DPP6: variants seen among roughly 807,000 people sequenced by gnomAD.
DPP6 encodes dipeptidyl peptidase like 6.
A neutral mutation model predicts 122.6 loss-of-function variants in DPP6; 69 were observed. The observed-to-expected ratio is 0.56, with a 90% CI of 0.46 to 0.69. The LOEUF is 0.69. Among genes scored for constraint, DPP6 ranks in the 30% least tolerant of loss-of-function variants. The probability of loss-of-function intolerance (pLI) is 0.00; values close to 1 mark genes in which losing one functional copy is unlikely to be tolerated. For missense variants in DPP6, 928 were observed against 1,116.9 expected (o/e 0.83, Z 2.41); for synonymous variants, 418 against 433.1 (o/e 0.97, Z 0.43).
intron 3 of DPP6, among the ~76,000 whole-genome samples, chr7:154,482,655 T>C (rs1394517795): frequency 6.6e-6 from 1 of 152,220 alleles, no homozygotes; most frequent in Non-Finnish European, 1.5e-5. Flanking sequence ...CTCATGGCAG[T>C]AAGTATACAT....
chr7:153,844,741 T>C, the DPP6 span, among the ~76,000 whole-genome samples: 14 of 152,240 alleles, frequency 9.2e-5, no homozygotes, highest in Non-Finnish European at 1.6e-4. Flanking sequence ...AATCTGTAGT[T>C]GGAAATTAAT....
intron 1 of DPP6, among the ~76,000 whole-genome samples, chr7:153,933,213 C>G (rs957828512): frequency 6.6e-6 from 1 of 152,072 alleles, no homozygotes; most frequent in Non-Finnish European, 1.5e-5. Flanking sequence ...CAACGGTAAA[C>G]AAGATTTTTT....
chr7:154,040,724 C>T (rs1799716888), intron 1 of DPP6, among the ~76,000 whole-genome samples: 1 of 152,190 alleles, frequency 6.6e-6, no homozygotes, highest in Admixed American at 6.5e-5. Context: ...ATTCTGTGTA[C>T]AGAATTCTAT....
intron 9 of DPP6, among the ~76,000 whole-genome samples, chr7:154,771,249 C>T (rs571574688): frequency 3.8e-4 from 57 of 150,878 alleles, no homozygotes; most frequent in African/African-American, 1.4e-3. Context: ...GTTCCAGCTG[C>T]CACAATGAAA....
intron 1 of DPP6, among the ~76,000 whole-genome samples, chr7:154,359,524 C>T (rs951892182): frequency 3.3e-5 from 5 of 152,168 alleles, no homozygotes; most frequent in African/African-American, 9.7e-5. Flanking sequence ...GCACCATTGC[C>T]TTTCCAGCTT....
At chr7:154,207,416 C>G (rs1039824714) in intron 1 of DPP6, among the ~76,000 whole-genome samples, 5 of 152,150 alleles carry the variant, frequency 3.3e-5, no homozygotes, top group African/African-American at 1.2e-4. Flanking sequence ...CAAACATATA[C>G]AAGTGTTGTA....
chr7:154,165,456 T>A (rs996307898), intron 1 of DPP6, among the ~76,000 whole-genome samples: 8 of 150,222 alleles, frequency 5.3e-5, no homozygotes, highest in African/African-American at 2.0e-4. Flanking sequence ...GAATAATGCC[T>A]CAATAAACAT....
rs563547797 is a variant in DPP6, at chr7:154,873,781, CCCA to C, written c.1883+1090_1883+1092del. Among the ~76,000 whole-genome samples the C allele has an allele frequency of 1.9e-3, 290 of 151,646 alleles. 6 individuals are homozygous for C. Among genetic ancestry groups the C allele is most frequent in the Non-Finnish European group, 1.2e-3 (80 of 67,854 alleles). On this transcript the variant is annotated intron_variant, in intron 19 of 25. Coordinates refer to ENST00000377770, the MANE Select transcript of DPP6 (RefSeq NM_130797.4). The stretch of plus-strand genomic sequence containing the variant: ...ACAGGCACACGCACATGCACACACA[CCCA>C]CATGTGCACACATGCATCCACACAC...
chr7:154,108,577 CA>C (rs1304510020), intron 1 of DPP6, among the ~76,000 whole-genome samples: 1 of 152,152 alleles, frequency 6.6e-6, no homozygotes, highest in Non-Finnish European at 1.5e-5. Context: ...GGTAATGCCA[CA>C]AACTTGTGAG....
intron 1 of DPP6, among the ~76,000 whole-genome samples, chr7:154,310,531 T>C (rs1806776664): frequency 6.6e-6 from 1 of 152,260 alleles, no homozygotes; most frequent in Admixed American, 6.5e-5. Context: ...GGTTTTGTTT[T>C]TTAAAATGCT....
At chr7:154,111,166 G>A (rs2150585379) in intron 1 of DPP6, among the ~76,000 whole-genome samples, 1 of 152,232 alleles carries the variant, frequency 6.6e-6, no homozygotes, top group South Asian at 2.1e-4. Flanking sequence ...TTCAGTTGTT[G>A]TTATTTGTGA....
chr7:153,875,141 T>C, the DPP6 span, among the ~76,000 whole-genome samples: 4 of 152,252 alleles, frequency 2.6e-5, no homozygotes, highest in Non-Finnish European at 5.9e-5. Context: ...TATGTTATCT[T>C]TAAGGGGAAA....
At chr7:153,923,760 CAAAAAAAA>C (rs1158548494) in intron 1 of DPP6, among the ~76,000 whole-genome samples, 1 of 46,798 alleles carries the variant, frequency 2.1e-5, no homozygotes, top group Non-Finnish European at 3.8e-5. Context: ...GACTCCATCT[CAAAAAAAA>C]AAAAAAAAAA....
At chr7:154,470,314 A>G (rs1822150440) in intron 2 of DPP6, among the ~76,000 whole-genome samples, 3 of 152,230 alleles carry the variant, frequency 2.0e-5, no homozygotes, top group Non-Finnish European at 4.4e-5. Context: ...CAGGAGAGAT[A>G]ATAAATATCA....
At chr7:153,895,387 T>G (rs1799366108) in intron 1 of DPP6, among the ~76,000 whole-genome samples, 1 of 152,158 alleles carries the variant, frequency 6.6e-6, no homozygotes, top group Non-Finnish European at 1.5e-5. Context: ...ATAGATTGAT[T>G]ATTCTTGAAG....
At chr7:154,252,321 G>C (rs1802405975) in intron 1 of DPP6, among the ~76,000 whole-genome samples, 1 of 152,208 alleles carries the variant, frequency 6.6e-6, no homozygotes, top group Non-Finnish European at 1.5e-5. Flanking sequence ...AATTCCTCCT[G>C]TTCAGTGGTG....
chr7:154,253,247 G>A (rs528606117), intron 1 of DPP6, among the ~76,000 whole-genome samples: 2 of 152,316 alleles, frequency 1.3e-5, no homozygotes, highest in South Asian at 4.1e-4. Context: ...CCTTAGAGAG[G>A]TTGTTGGTGA....
intron 1 of DPP6, among the ~76,000 whole-genome samples, chr7:154,360,282 T>C (rs1811621284): frequency 6.6e-6 from 1 of 152,196 alleles, no homozygotes; most frequent in African/African-American, 2.4e-5. Flanking sequence ...AATTCAGCCA[T>C]CTCTAGACCT....
intron 1 of DPP6, among the ~76,000 whole-genome samples, chr7:153,936,483 G>C (rs1268271738): frequency 6.6e-6 from 1 of 152,162 alleles, no homozygotes; most frequent in Non-Finnish European, 1.5e-5. Context: ...CACGTAGACA[G>C]AGTCTGGGAC....
Sources: allele counts gnomAD v4.1 joint callset (sites outside exome capture counted in the v4.1 genomes callset), GRCh38; gene constraint gnomAD v4.1.1; transcripts MANE v1.5; gene names NCBI Gene and HGNC (gene_info 2026-07-23, HGNC 2026-07-21).